NCOR1: variants seen among roughly 807,000 people sequenced by gnomAD.
NCOR1 encodes the protein protein phosphatase 1, regulatory subunit 109.
NCOR1 carries 63 observed loss-of-function variants against 288.1 expected under a neutral mutation model. The ratio of observed to expected loss-of-function variants is 0.22; its 90% confidence interval spans 0.18 to 0.27. The LOEUF is 0.27. Ranked by LOEUF, NCOR1 falls within the 10% of genes least tolerant of loss-of-function variation. The probability of loss-of-function intolerance (pLI) is 1.00; values close to 1 mark genes in which losing one functional copy is unlikely to be tolerated. For synonymous variants in NCOR1, 1,007 were observed against 1,065.9 expected (o/e 0.94, Z 1.08); for missense variants, 2,397 against 3,019.2 (o/e 0.79, Z 4.83).
chr17:16,201,405 C>G (rs916154214), intron 1 of NCOR1, among the ~76,000 whole-genome samples: 7 of 151,278 alleles, frequency 4.6e-5, no homozygotes, highest in African/African-American at 1.5e-4. Flanking sequence ...TTGAGACCAG[C>G]CTGGCCAAAA....
At chr17:16,065,427 A>G in intron 33 of NCOR1, 58 bp downstream of exon 33, 1 of 1,553,038 alleles carries the variant, frequency 6.4e-7, no homozygotes, top group Non-Finnish European at 8.9e-7. Flanking sequence ...CTGAGTACCT[A>G]AGAAACACTA....
intron 19 of NCOR1, chr17:16,108,232 TA>T: frequency 3.3e-6 from 1 of 303,036 alleles, no homozygotes. Flanking sequence ...TAAACTGAAA[TA>T]AATTAGGTAT....
intron 43 of NCOR1, 77 bp downstream of exon 43, chr17:16,040,364 G>T: frequency 8.6e-7 from 1 of 1,169,458 alleles, no homozygotes; most frequent in Non-Finnish European, 1.3e-6. Flanking sequence ...TATACAGTTG[G>T]TACTCAGTAC....
rs752390640 is a variant in NCOR1, at chr17:16,080,050, T to C, written c.3415A>G (p.Ile1139Val). 1.2e-5 allele frequency: 19 copies of C among 1,613,956 alleles called. No individual in the cohort carries two copies. Among genetic ancestry groups the C allele is most frequent in the Middle Eastern group, 1.6e-4 (1 of 6,084 alleles). Residue 1139 changes from isoleucine to valine, a missense_variant, in exon 26 of 46, where the codon ATA (isoleucine) becomes GTA (valine). Physicochemically the swap from Ile to Val is conservative, Grantham distance 29. Coordinates refer to ENST00000268712, the MANE Select transcript of NCOR1 (RefSeq NM_006311.4). ...EGVVRGTAGA[I>V]QEGSITRGTP... ...CCCCGAGTTATACTTCCTTCTTGTA[T>C]GGCTCCTGCGGTACCTGAATACAAA...
At position 16,192,697 on chromosome 17, in the gene NCOR1, C is replaced by T. The variant is rs577912704; in HGVS notation, c.108+1765G>A. Among the ~76,000 whole-genome samples the T allele has an allele frequency of 1.6e-4, 25 of 151,834 alleles. No individual in the cohort carries two copies. In the South Asian group the frequency reaches 2.5e-3, roughly 15 times the overall value. On this transcript the variant is annotated intron_variant, in intron 2 of 45. Coordinates refer to ENST00000268712, the MANE Select transcript of NCOR1 (RefSeq NM_006311.4). ...GGACTTGATAAAAATAAAAAATGTA[C>T]GCTCTCCAAAGGATGCTGTTAAGAA...
intron 29 of NCOR1, 132 bp downstream of exon 29, chr17:16,072,013 G>C: frequency 1.4e-6 from 1 of 696,034 alleles, no homozygotes; most frequent in Non-Finnish European, 2.3e-6. Flanking sequence ...AGGCAGAAAA[G>C]TAATAACCAA....
intron 11 of NCOR1, among the ~76,000 whole-genome samples, chr17:16,141,442 T>C (rs564095475): frequency 4.6e-5 from 7 of 152,322 alleles, no homozygotes; most frequent in African/African-American, 7.2e-5. Context: ...CTCTGAGATA[T>C]AGTTTATATA....
intron 45 of NCOR1, among the ~76,000 whole-genome samples, chr17:16,034,157 T>C (rs2151830012): frequency 6.6e-6 from 1 of 152,342 alleles, no homozygotes; most frequent in Middle Eastern, 3.4e-3. Flanking sequence ...ACCACCTTAT[T>C]TGCTTTGCAA....
chr17:16,064,902 G>A lies in NCOR1; in HGVS notation c.5069C>T (p.Pro1690Leu), dbSNP rs1305827175. The A allele has an allele frequency of 6.2e-7, 1 of 1,613,366 alleles. No homozygotes were observed. The change falls in exon 34 of 46, where the codon CCC (proline) becomes CTC (leucine). Residue 1690 changes from proline (P) to leucine (L), a missense_variant. Physicochemically the swap from Pro to Leu is moderately conservative, Grantham distance 98 (BLOSUM62 -3). Coordinates refer to ENST00000268712, the MANE Select transcript of NCOR1 (RefSeq NM_006311.4). ...CATGGAAGCAGAGTTGTACGGCCTG[G>A]GAGGGAAAGTAATCTGTGTACCAGG... is the stretch of plus-strand genomic sequence containing the variant. ...YIPGTQITFPPRPYNSASMSP... is the reference protein window; with the variant it reads ...YIPGTQITFPLRPYNSASMSP...
chr17:16,042,032 C>A (rs1414392789), intron 42 of NCOR1, among the ~76,000 whole-genome samples: 1 of 152,270 alleles, frequency 6.6e-6, no homozygotes, highest in South Asian at 2.1e-4. Flanking sequence ...CCGTGCCCGG[C>A]CAGAATGTGA....
At chr17:16,099,440 A>G (rs761769155) in intron 20 of NCOR1, among the ~76,000 whole-genome samples, 4 of 152,262 alleles carry the variant, frequency 2.6e-5, no homozygotes, top group Non-Finnish European at 5.9e-5. Flanking sequence ...TATTAAAGCT[A>G]TAGGAAATTG....
At chr17:16,036,341 G>C (rs1330024134) in intron 44 of NCOR1, among the ~76,000 whole-genome samples, 2 of 152,222 alleles carry the variant, frequency 1.3e-5, no homozygotes, top group Non-Finnish European at 2.9e-5. Context: ...TCTAGGCTTT[G>C]TTCCATTTCT....
chr17:16,204,672 T>C (rs939394493), intron 1 of NCOR1, among the ~76,000 whole-genome samples: 1 of 152,202 alleles, frequency 6.6e-6, no homozygotes, highest in Non-Finnish European at 1.5e-5. Context: ...AAGTCTTAAG[T>C]AGAGCACAAA....
intron 16 of NCOR1, 98 bp from the exon 17 acceptor site, chr17:16,119,583 G>T: frequency 1.2e-6 from 1 of 810,914 alleles, no homozygotes; most frequent in Non-Finnish European, 1.9e-6. Context: ...TGACATAAAA[G>T]ACTATGTAAA....
chr17:16,201,725 C>T (rs1271908508), intron 1 of NCOR1, among the ~76,000 whole-genome samples: 6 of 152,178 alleles, frequency 3.9e-5, no homozygotes, highest in Non-Finnish European at 5.9e-5. Flanking sequence ...TGTGGTATGT[C>T]GACACTACAT....
At chr17:16,086,539 T>C in intron 22 of NCOR1, 97 bp from the exon 23 acceptor site, 1 of 1,104,544 alleles carries the variant, frequency 9.1e-7, no homozygotes, top group Non-Finnish European at 1.3e-6. Context: ...AAATCACTAA[T>C]TAAAAAATGT....
At chr17:16,176,950 A>C (rs2084326759) in intron 3 of NCOR1, among the ~76,000 whole-genome samples, 1 of 152,030 alleles carries the variant, frequency 6.6e-6, no homozygotes, top group African/African-American at 2.4e-5. Flanking sequence ...GAATTTCTGT[A>C]TTATGAATAT....
chr17:16,143,571 T>C, intron 11 of NCOR1, 35 bp downstream of exon 11: 1 of 1,524,434 alleles, frequency 6.6e-7, no homozygotes, highest in Non-Finnish European at 9.1e-7. Context: ...CTTTAATAAT[T>C]AACGAATTAA....
intron 4 of NCOR1, among the ~76,000 whole-genome samples, chr17:16,166,243 T>C (rs927046047): frequency 6.6e-5 from 10 of 152,216 alleles, no homozygotes; most frequent in Non-Finnish European, 1.2e-4. Flanking sequence ...ATAGACTTAA[T>C]AGAATTAAAG....
Sources: allele counts gnomAD v4.1 joint callset (sites outside exome capture counted in the v4.1 genomes callset), GRCh38; gene constraint gnomAD v4.1.1; transcripts MANE v1.5; gene names NCBI Gene and HGNC (gene_info 2026-07-23, HGNC 2026-07-21).